The following PTPRM variants were observed in gnomAD, a reference collection of about 807,000 sequenced individuals.
The protein encoded by PTPRM is protein tyrosine phosphatase receptor type M, also known as receptor-type tyrosine-protein phosphatase mu.
In PTPRM, 47 loss-of-function variants were observed where a neutral mutation model predicts 186.7. The ratio of observed to expected loss-of-function variants is 0.25; its 90% CI spans 0.20 to 0.32. The LOEUF is 0.32. Among genes scored for constraint, PTPRM ranks in the 10% least tolerant of loss-of-function variants. The pLI, the probability that PTPRM is intolerant of heterozygous loss-of-function variation, is 1.00. For missense variants in PTPRM, 1,494 were observed against 1,865.0 expected (o/e 0.80, Z 3.66); for synonymous variants, 668 against 674.9 (o/e 0.99, Z 0.16).
At chr18:7,722,821 CA>C (rs2040473686) in intron 1 of PTPRM, among the ~76,000 whole-genome samples, 1 of 152,214 alleles carries the variant, frequency 6.6e-6, no homozygotes, top group South Asian at 2.1e-4. Context: ...AGGGATAAAA[CA>C]GGGACAGAGA....
At chr18:8,279,382 T>C (rs2094875575) in intron 19 of PTPRM, among the ~76,000 whole-genome samples, 2 of 152,334 alleles carry the variant, frequency 1.3e-5, no homozygotes, top group South Asian at 4.1e-4. Flanking sequence ...AAAGGGACTT[T>C]TGCTGGCTCT....
chr18:7,866,607 T>A (rs2047712318), intron 2 of PTPRM, among the ~76,000 whole-genome samples: 1 of 152,130 alleles, frequency 6.6e-6, no homozygotes, highest in East Asian at 1.9e-4. Flanking sequence ...TTACTTCCAA[T>A]TATGTGGTCA....
At chr18:7,658,359 T>TATATATATATATATATATATAC (rs1491198247) in intron 1 of PTPRM, among the ~76,000 whole-genome samples, 17 of 136,666 alleles carry the variant, frequency 1.2e-4, no homozygotes, top group African/African-American at 4.4e-4. Flanking sequence ...TATATATATA[T>TATATATATATATATATATATAC]ACATACACAC....
At chr18:7,809,035 A>T (rs2044374623) in intron 2 of PTPRM, among the ~76,000 whole-genome samples, 1 of 151,450 alleles carries the variant, frequency 6.6e-6, no homozygotes, top group African/African-American at 2.5e-5. Flanking sequence ...TTCCCCATGA[A>T]TTTAATTCTC....
intron 3 of PTPRM, among the ~76,000 whole-genome samples, chr18:7,892,994 CACAA>C (rs2049160041): frequency 6.6e-6 from 1 of 152,156 alleles, no homozygotes; most frequent in African/African-American, 2.4e-5. Flanking sequence ...TTGGGGAGTA[CACAA>C]ACATTCAGTT....
intron 7 of PTPRM, among the ~76,000 whole-genome samples, chr18:8,002,825 A>G (rs745670309): frequency 2.6e-5 from 4 of 152,178 alleles, no homozygotes; most frequent in South Asian, 2.1e-4. Context: ...CGTGATTGCA[A>G]TTCTCAGGCT....
chr18:7,769,971 TA>T (rs1202662420), intron 1 of PTPRM, among the ~76,000 whole-genome samples: 1 of 152,160 alleles, frequency 6.6e-6, no homozygotes, highest in Non-Finnish European at 1.5e-5. Flanking sequence ...CTCCATCTTG[TA>T]TATGACTTGG....
At chr18:8,304,246 A>G (rs1009240680) in intron 20 of PTPRM, among the ~76,000 whole-genome samples, 27 of 152,186 alleles carry the variant, frequency 1.8e-4, no homozygotes, top group Non-Finnish European at 3.2e-4. Flanking sequence ...ACTTAGAGAT[A>G]TTTTTAAACG....
chr18:7,862,429 A>T (rs1214144965), intron 2 of PTPRM, among the ~76,000 whole-genome samples: 2 of 152,204 alleles, frequency 1.3e-5, no homozygotes, highest in Non-Finnish European at 2.9e-5. Flanking sequence ...TATGAATACC[A>T]CATTCAGGTG....
Position 8,282,450 on chromosome 18 carries a change from G to A in PTPRM, c.2755-13918G>A, listed in dbSNP as rs145801192. Reference sequence around the variant, plus strand: ...GGCTGAGGTGGGTGGATCACCTGAGGCCAGGAGTTCGAGACCAGCCTGGCC... The same window carrying A: ...GGCTGAGGTGGGTGGATCACCTGAGACCAGGAGTTCGAGACCAGCCTGGCC... On this transcript the variant is annotated intron_variant, in intron 19 of 32. Transcript: ENST00000580170. 1.8e-4 allele frequency among the ~76,000 whole-genome samples: 27 copies of A among 152,222 alleles called. 1 individual carries two copies. Among genetic ancestry groups the A allele is most frequent in the African/African-American group, 6.5e-4 (27 of 41,542 alleles).
chr18:8,215,857 T>C (rs2094077166), intron 14 of PTPRM, among the ~76,000 whole-genome samples: 1 of 152,180 alleles, frequency 6.6e-6, no homozygotes, highest in South Asian at 2.1e-4. Context: ...TTGCTTCTTA[T>C]CTGGTTCCTT....
chr18:8,303,181 A>AGCGG lies in PTPRM; in HGVS notation c.2842+6726_2842+6727insGCGG, dbSNP rs2095179657. 2.0e-5 allele frequency among the ~76,000 whole-genome samples: 3 copies of AGCGG among 152,106 alleles called. 1 individual carries two copies. The highest frequency in any genetic ancestry group is 2.0e-4 in the Admixed American group (3 of 15,280). ...GCTCAGCGGTGCAGGGAGCACTCTC[A>AGCGG]TGGAGAGAAGGGGTGCTGCTAGTGT... is the stretch of plus-strand genomic sequence containing the variant. On this transcript the variant is annotated intron_variant, in intron 20 of 32. Transcript: ENST00000580170.
chr18:8,166,917 C>A (rs1483301086), intron 14 of PTPRM, among the ~76,000 whole-genome samples: 1 of 152,186 alleles, frequency 6.6e-6, no homozygotes, highest in South Asian at 2.1e-4. Context: ...CAAGATCTAC[C>A]TGTTGAGCTG....
At chr18:7,685,724 T>G (rs151234435) in intron 1 of PTPRM, among the ~76,000 whole-genome samples, 56 of 152,300 alleles carry the variant, frequency 3.7e-4, no homozygotes, top group Middle Eastern at 3.4e-3. Flanking sequence ...TTGGTTTTTT[T>G]TTTGTTTGTT....
At position 7,588,806 on chromosome 18, in the gene PTPRM, T is replaced by C. The variant is rs114011387; in HGVS notation, c.73+20915T>C. 2.8e-3 allele frequency among the ~76,000 whole-genome samples: 432 copies of C among 152,348 alleles called. 6 individuals carry two copies. Among genetic ancestry groups the C allele is most frequent in the African/African-American group, 0.01 (417 of 41,576 alleles). On this transcript the variant is annotated intron_variant, in intron 1 of 32. Transcript: ENST00000580170. ...TCACTTGAAGGAAGATGTGTGGTTG[T>C]TAAATTGTATATCTAATTTTATAAC...
At chr18:7,896,034 G>A (rs918582467) in intron 3 of PTPRM, among the ~76,000 whole-genome samples, 4 of 152,152 alleles carry the variant, frequency 2.6e-5, no homozygotes, top group African/African-American at 9.7e-5. Flanking sequence ...GTTAATTACT[G>A]TTCCTTAAAA....
At chr18:7,699,252 G>A (rs1350066564) in intron 1 of PTPRM, among the ~76,000 whole-genome samples, 5 of 152,136 alleles carry the variant, frequency 3.3e-5, no homozygotes, top group African/African-American at 9.7e-5. Flanking sequence ...AAAGGTTGGG[G>A]ACTGCTGCTT....
At chr18:8,180,231 A>G (rs1568474726) in intron 14 of PTPRM, among the ~76,000 whole-genome samples, 1 of 152,234 alleles carries the variant, frequency 6.6e-6, no homozygotes, top group Non-Finnish European at 1.5e-5. Flanking sequence ...GTCATGTGGC[A>G]TCAAAGTATA....
intron 2 of PTPRM, among the ~76,000 whole-genome samples, chr18:7,803,034 G>A (rs920409368): frequency 1.3e-5 from 2 of 152,158 alleles, no homozygotes; most frequent in Non-Finnish European, 2.9e-5. Flanking sequence ...TCAGAAAGGG[G>A]GTAGTATCCA....
Sources: allele counts gnomAD v4.1 joint callset (sites outside exome capture counted in the v4.1 genomes callset), GRCh38; gene constraint gnomAD v4.1.1; transcripts MANE v1.5; gene names NCBI Gene and HGNC (gene_info 2026-07-23, HGNC 2026-07-21).